PTPRD: variants seen among roughly 807,000 people sequenced by gnomAD.
PTPRD encodes protein tyrosine phosphatase receptor type D, also known as receptor-type tyrosine-protein phosphatase delta.
A neutral mutation model predicts 214.5 loss-of-function variants in PTPRD; 34 were observed. The ratio of observed to expected loss-of-function variants is 0.16; its 90% CI spans 0.12 to 0.21. The LOEUF is 0.21. Among genes scored for constraint, PTPRD ranks in the 10% least tolerant of loss-of-function variants. The probability of loss-of-function intolerance (pLI) is 1.00; values close to 1 mark genes in which losing one functional copy is unlikely to be tolerated. For missense variants in PTPRD, 2,545 were observed against 2,398.7 expected (o/e 1.06, Z -1.27); for synonymous variants, 1,128 against 845.7 (o/e 1.33, Z -5.79).
At chr9:9,861,358 T>A (rs925687097) in intron 5 of PTPRD, among the ~76,000 whole-genome samples, 11 of 152,180 alleles carry the variant, frequency 7.2e-5, no homozygotes, top group African/African-American at 2.7e-4. Context: ...TGGCGCCATC[T>A]CGGCTCACTG....
chr9:10,030,450 G>T (rs2097037031), intron 4 of PTPRD, among the ~76,000 whole-genome samples: 1 of 152,168 alleles, frequency 6.6e-6, no homozygotes, highest in Non-Finnish European at 1.5e-5. Flanking sequence ...AAGGCCTTAG[G>T]AGTACCTGTT....
chr9:10,361,303 C>A (rs1015112033), intron 2 of PTPRD, among the ~76,000 whole-genome samples: 1 of 152,114 alleles, frequency 6.6e-6, no homozygotes, highest in African/African-American at 2.4e-5. Flanking sequence ...TCACTGTATA[C>A]TCATAAGAGA....
intron 41 of PTPRD, 51 bp from the exon 42 acceptor site, chr9:8,340,520 A>G (rs1313792408): frequency 6.8e-7 from 1 of 1,479,100 alleles, no homozygotes; most frequent in African/African-American, 1.4e-5. Context: ...GAGAACATGC[A>G]AAAGCTCACA....
intron 3 of PTPRD, among the ~76,000 whole-genome samples, chr9:10,279,225 C>T (rs762126362): frequency 8.6e-5 from 13 of 151,632 alleles, no homozygotes; most frequent in Non-Finnish European, 1.6e-4. Flanking sequence ...GGCATATGAT[C>T]ATCCACATAT....
chr9:9,498,799 C>T (rs2096291617), intron 8 of PTPRD, among the ~76,000 whole-genome samples: 1 of 152,084 alleles, frequency 6.6e-6, no homozygotes, highest in African/African-American at 2.4e-5. Context: ...AGGAAATGAT[C>T]TGTGATAAAT....
rs1171563176 is a variant in PTPRD at position 8,726,634 on chromosome 9, T to A, written c.64+7146A>T. ...ATATATATATATATATATATATATA[T>A]ATATATATATATATATGACAGCCAG... On this transcript the variant is annotated intron_variant, in intron 12 of 45. Transcript: ENST00000381196. Among the ~76,000 whole-genome samples, 26 of 57,382 alleles carry A rather than the reference T, an allele frequency of 4.5e-4. 1 individual carries two copies. The highest frequency in any genetic ancestry group is 0.014 in the Middle Eastern group (1 of 70). 37.6% of individuals were successfully genotyped at this position (57,382 alleles called of 152,430 possible).
chr9:9,850,423 G>A (rs953847568), intron 5 of PTPRD, among the ~76,000 whole-genome samples: 18 of 152,070 alleles, frequency 1.2e-4, no homozygotes, highest in African/African-American at 4.3e-4. Flanking sequence ...TTGGATAGAT[G>A]ACTGAAACAC....
At chr9:8,482,899 G>C (rs948951741) in intron 30 of PTPRD, among the ~76,000 whole-genome samples, 1 of 148,460 alleles carries the variant, frequency 6.7e-6, no homozygotes, top group African/African-American at 2.6e-5. Context: ...TATCCCTTAA[G>C]ATTTAAGTTC....
intron 13 of PTPRD, among the ~76,000 whole-genome samples, chr9:8,634,074 T>C (rs1364924869): frequency 1.3e-5 from 2 of 152,034 alleles, no homozygotes; most frequent in East Asian, 1.9e-4. Flanking sequence ...TAGCATTTTC[T>C]GCATTTTTAG....
chr9:9,404,193 A>G (rs2072197118), intron 8 of PTPRD, among the ~76,000 whole-genome samples: 1 of 152,114 alleles, frequency 6.6e-6, no homozygotes, highest in Admixed American at 6.6e-5. Flanking sequence ...TTCCAAGGGC[A>G]ATGCAAAGTC....
chr9:8,676,245 G>T (rs753275123), intron 12 of PTPRD, among the ~76,000 whole-genome samples: 3 of 152,110 alleles, frequency 2.0e-5, no homozygotes, highest in Non-Finnish European at 4.4e-5. Flanking sequence ...CTCTGAGGCT[G>T]AGAGATGCTC....
chr9:8,735,164 G>GTTTTTTTTTTTTT (rs1565662946), intron 11 of PTPRD, among the ~76,000 whole-genome samples: 7 of 138,030 alleles, frequency 5.1e-5, no homozygotes, highest in Non-Finnish European at 7.7e-5. Flanking sequence ...TTTTTTTTTT[G>GTTTTTTTTTTTTT]AGACAGTCTC....
In PTPRD at chr9:10,448,052, T is replaced by C. The variant is rs1483220265; in HGVS notation, c.-599-107035A>G. ...AGCTATAAGTGCATGTATAAGTATC[T>C]CTATTTTTTAGTTGAGGAAACTGAG... On this transcript the variant is annotated intron_variant, in intron 2 of 45. Transcript: ENST00000381196. Among the ~76,000 whole-genome samples, 3 of 152,026 alleles carry C rather than the reference T, an allele frequency of 2.0e-5. 1 individual carries two copies. Among genetic ancestry groups the C allele is most frequent in the African/African-American group, 7.3e-5 (3 of 41,296 alleles).
chr9:9,089,904 G>T (rs754256390), intron 10 of PTPRD, among the ~76,000 whole-genome samples: 2 of 152,014 alleles, frequency 1.3e-5, no homozygotes, highest in African/African-American at 4.8e-5. Flanking sequence ...AAAGAGACAA[G>T]TTTATTTTGA....
chr9:9,806,984 C>G (rs1016374726), intron 5 of PTPRD, among the ~76,000 whole-genome samples: 6 of 152,096 alleles, frequency 3.9e-5, no homozygotes, highest in Non-Finnish European at 1.5e-5. Context: ...GAAATGCAAA[C>G]CTCAGAACAA....
chr9:10,606,397 A>G (rs1483087844), intron 2 of PTPRD, among the ~76,000 whole-genome samples: 2 of 151,878 alleles, frequency 1.3e-5, no homozygotes, highest in Non-Finnish European at 2.9e-5. Context: ...TTTGAGGCCA[A>G]TTATTGGGAA....
intron 12 of PTPRD, among the ~76,000 whole-genome samples, chr9:8,718,028 A>G (rs1000265991): frequency 2.6e-5 from 4 of 152,228 alleles, no homozygotes; most frequent in African/African-American, 9.6e-5. Flanking sequence ...ACTAAATAAG[A>G]GTGGATGAAG....
intron 2 of PTPRD, among the ~76,000 whole-genome samples, chr9:10,607,943 T>C (rs1177876245): frequency 6.6e-6 from 1 of 151,970 alleles, no homozygotes; most frequent in Admixed American, 6.6e-5. Context: ...GTGTATTTAC[T>C]TGGCAATATA....
rs527362146 is a variant in PTPRD at position 8,843,993 on chromosome 9, A to G, written c.-103-110047T>C. Among the ~76,000 whole-genome samples, 48 of 152,298 alleles carry G rather than the reference A, an allele frequency of 3.2e-4. No homozygotes were observed. In the South Asian group the frequency reaches 9.5e-3, roughly 30 times the overall value. ...TCTAATTGGTATCTGAAAAATGGTC[A>G]TCACCCATGATGAAGAAGCCAGCAT... is the stretch of plus-strand genomic sequence containing the variant. On this transcript the variant is annotated intron_variant, in intron 11 of 45. Coordinates refer to ENST00000381196, the MANE Select transcript of PTPRD (RefSeq NM_002839.4).
Sources: gnomAD v4.1 joint callset for allele counts (sites outside exome capture counted in the v4.1 genomes callset) on GRCh38, gnomAD v4.1.1 for gene constraint, MANE v1.5 for transcripts, NCBI Gene and HGNC (gene_info 2026-07-23, HGNC 2026-07-21) for gene names.